DPF3: variants seen among roughly 807,000 people sequenced by gnomAD.
DPF3 encodes the protein double PHD fingers 3, also known as zinc finger protein DPF3.
DPF3 carries 18 observed loss-of-function variants against 56.8 expected under a neutral mutation model. That is an observed-to-expected ratio of 0.32 (90% CI 0.22 to 0.47). The LOEUF is 0.47. Among genes scored for constraint, DPF3 ranks in the 20% least tolerant of loss-of-function variants. DPF3 has a pLI of 1.00. For missense variants in DPF3, 403 were observed against 488.8 expected, an observed-to-expected ratio of 0.82 and a Z score of 1.65; for synonymous variants, 188 against 180.2, an observed-to-expected ratio of 1.04 and a Z score of -0.35.
chr14:72,725,939 C>A (rs971995385), intron 4 of DPF3, among the ~76,000 whole-genome samples: 4 of 152,312 alleles, frequency 2.6e-5, no homozygotes, highest in East Asian at 3.9e-4. Context: ...AATCCACCAG[C>A]TGACAGCACT....
At chr14:72,746,903 TGTTACGGCAGGCCC>T (rs1240176926) in intron 3 of DPF3, among the ~76,000 whole-genome samples, 2 of 152,252 alleles carry the variant, frequency 1.3e-5, no homozygotes, top group African/African-American at 4.8e-5. Flanking sequence ...TCCCCTCACA[TGTTACGGCAGGCCC>T]GACAACGGGG....
chr14:72,832,525 T>A (rs994097706), intron 1 of DPF3, among the ~76,000 whole-genome samples: 2 of 152,208 alleles, frequency 1.3e-5, no homozygotes, highest in Non-Finnish European at 2.9e-5. Context: ...GCTCCTAAAA[T>A]ACATATATTC....
chr14:72,726,192 G>A (rs548420866), intron 4 of DPF3, among the ~76,000 whole-genome samples: 1 of 152,338 alleles, frequency 6.6e-6, no homozygotes, highest in African/African-American at 2.4e-5. Flanking sequence ...TGTTGTTGCT[G>A]TTCGTAGAAC....
intron 9 of DPF3, among the ~76,000 whole-genome samples, chr14:72,626,062 A>G (rs1050561324): frequency 6.6e-6 from 1 of 151,238 alleles, no homozygotes; most frequent in Non-Finnish European, 1.5e-5. Flanking sequence ...TTTCTTCCTC[A>G]CTCTTCGGTA....
At chr14:72,637,133 T>C (rs1885406856) in intron 8 of DPF3, among the ~76,000 whole-genome samples, 1 of 152,218 alleles carries the variant, frequency 6.6e-6, no homozygotes, top group Non-Finnish European at 1.5e-5. Context: ...CGGGCACTTT[T>C]AATAGGCTAA....
At chr14:72,885,465 G>A (rs965472939) in intron 1 of DPF3, among the ~76,000 whole-genome samples, 2 of 151,986 alleles carry the variant, frequency 1.3e-5, no homozygotes, top group Admixed American at 1.3e-4. Context: ...GTACAGTAGC[G>A]TGATCACAGC....
intron 8 of DPF3, among the ~76,000 whole-genome samples, chr14:72,642,239 T>A (rs1487176904): frequency 6.6e-6 from 1 of 152,204 alleles, no homozygotes; most frequent in Non-Finnish European, 1.5e-5. Context: ...TATGAGATAA[T>A]AAATGTTTGC....
At chr14:72,642,271 G>T (rs1008019029) in intron 8 of DPF3, among the ~76,000 whole-genome samples, 1 of 152,210 alleles carries the variant, frequency 6.6e-6, no homozygotes, top group Non-Finnish European at 1.5e-5. Context: ...GCCAAGTTGG[G>T]GGATAATTTG....
chr14:72,866,905 G>A lies in DPF3; in HGVS notation c.32+27152C>T, dbSNP rs778243744. 4.0e-5 allele frequency among the ~76,000 whole-genome samples: 6 copies of A among 149,944 alleles called. 1 individual carries two copies. The highest frequency in any genetic ancestry group is 6.0e-5 in the Non-Finnish European group (4 of 66,880). On this transcript the variant is annotated intron_variant, in intron 1 of 10. Coordinates refer to ENST00000556509, the MANE Select transcript of DPF3 (RefSeq NM_001280542.3). The stretch of plus-strand genomic sequence containing the variant: ...CTCCCAAAGTGCTGGGATTATAGGA[G>A]TGAGCCATCATGCCTAGCCCACTGG...
chr14:72,825,712 CCCAGCCCAG>C (rs1448822408), intron 1 of DPF3, among the ~76,000 whole-genome samples: 1 of 146,912 alleles, frequency 6.8e-6, no homozygotes, highest in African/African-American at 2.5e-5. Flanking sequence ...CCCAGCCCAG[CCCAGCCCAG>C]CCCACCCAGG....
At chr14:72,680,890 C>T (rs1294795134) in intron 7 of DPF3, among the ~76,000 whole-genome samples, 2 of 152,218 alleles carry the variant, frequency 1.3e-5, no homozygotes, top group African/African-American at 2.4e-5. Context: ...CCTGAGGTCC[C>T]TTTCAGGCCT....
In DPF3 at chr14:72,629,665, CTA is replaced by C; in HGVS notation, c.941_942del (p.Ile314ArgfsTer14). ...EAVKTYKWQCIECKSCILCGT... is the reference protein window; with the variant it reads ...EAVKTYKWQCXECKSCILCGT... ...CCACAGAGGATACAGGATTTGCACT[CTA>C]TGCACTGCCACTTGTAGGTCTTGAC... On this transcript the variant is annotated frameshift_variant, in exon 9 of 11. Coordinates refer to ENST00000556509, the MANE Select transcript of DPF3 (RefSeq NM_001280542.3). LOFTEE classifies it high-confidence loss of function. 2 of 1,536,104 alleles carry C rather than the reference CTA, an allele frequency of 1.3e-6. No individual in the cohort carries two copies. The highest frequency in any genetic ancestry group is 1.7e-6 in the Non-Finnish European group (2 of 1,146,878).
rs1264841124 is a variant in DPF3 at position 72,610,691 on chromosome 14, A to G, written c.*8606T>C. Among the ~76,000 whole-genome samples, 1 of 152,206 alleles carries G rather than the reference A, an allele frequency of 6.6e-6. No individual in the cohort carries two copies. Among genetic ancestry groups the G allele is most frequent in the African/African-American group, 2.4e-5 (1 of 41,454 alleles). ...AGGCGCCTGATGAGACCGTGTTCTC[A>G]GCCTGAGAGCGCGCTCAAGGGCAGG... is the stretch of plus-strand genomic sequence containing the variant. On this transcript the variant is annotated 3_prime_UTR_variant, in exon 11 of 11. Coordinates refer to ENST00000556509, the MANE Select transcript of DPF3 (RefSeq NM_001280542.3).
chr14:72,667,456 A>G (rs1342449697), intron 8 of DPF3, among the ~76,000 whole-genome samples: 1 of 152,204 alleles, frequency 6.6e-6, no homozygotes, highest in African/African-American at 2.4e-5. Context: ...TCAGGGTGGT[A>G]CTTTACTGAG....
intron 3 of DPF3, among the ~76,000 whole-genome samples, chr14:72,743,464 T>C (rs1322002148): frequency 6.6e-6 from 1 of 152,090 alleles, no homozygotes; most frequent in Non-Finnish European, 1.5e-5. Flanking sequence ...AAAATGAAGA[T>C]AATATCTGTC....
At chr14:72,740,575 A>T (rs1484463811) in intron 3 of DPF3, among the ~76,000 whole-genome samples, 1 of 152,162 alleles carries the variant, frequency 6.6e-6, no homozygotes, top group East Asian at 1.9e-4. Flanking sequence ...GGCCAAGTGG[A>T]GAGGCTGGTG....
At chr14:72,716,906 A>ATT (rs937750385) in intron 5 of DPF3, among the ~76,000 whole-genome samples, 1 of 151,994 alleles carries the variant, frequency 6.6e-6, no homozygotes, top group Non-Finnish European at 1.5e-5. Flanking sequence ...ACTAAGGGGG[A>ATT]TCTACCTCCA....
chr14:72,717,029 G>C (rs1888961092), intron 5 of DPF3, among the ~76,000 whole-genome samples: 1 of 152,158 alleles, frequency 6.6e-6, no homozygotes, highest in Non-Finnish European at 1.5e-5. Context: ...GGAGCCCATG[G>C]TCATAGGTTC....
In DPF3 at chr14:72,866,803, C is replaced by T. The variant is rs901051851; in HGVS notation, c.32+27254G>A. Reference sequence around the variant, plus strand: ...CCCAGGAGGTGGATGTTGCAGTGAGCGAAGTTTGCACCATTGCACTCCAGC... The same window carrying T: ...CCCAGGAGGTGGATGTTGCAGTGAGTGAAGTTTGCACCATTGCACTCCAGC... On this transcript the variant is annotated intron_variant, in intron 1 of 10. Transcript: ENST00000556509. Among the ~76,000 whole-genome samples, 6 of 150,416 alleles carry T rather than the reference C, an allele frequency of 4.0e-5. 1 individual carries two copies. In the South Asian group the frequency reaches 1.0e-3, roughly 26 times the overall value.
Sources: gnomAD v4.1 joint callset for allele counts (sites outside exome capture counted in the v4.1 genomes callset) on GRCh38, gnomAD v4.1.1 for gene constraint, MANE v1.5 for transcripts, NCBI Gene and HGNC (gene_info 2026-07-23, HGNC 2026-07-21) for gene names.